PTPN1: variants seen among roughly 807,000 people sequenced by gnomAD.
PTPN1 encodes the protein protein tyrosine phosphatase non-receptor type 1.
Under a neutral mutation model 59.9 loss-of-function variants are expected in PTPN1, and 12 were observed. The ratio of observed to expected loss-of-function variants is 0.20; its 90% CI spans 0.13 to 0.32. The LOEUF is 0.32. Ranked by LOEUF, PTPN1 falls within the 10% of genes least tolerant of loss-of-function variation. The pLI, the probability that PTPN1 is intolerant of heterozygous loss-of-function variation, is 1.00. For missense variants in PTPN1, 356 were observed against 549.2 expected (o/e 0.65, Z 3.52); for synonymous variants, 178 against 203.6 (o/e 0.87, Z 1.07).
At chr20:50,546,145 G>A (rs1233094876) in intron 1 of PTPN1, among the ~76,000 whole-genome samples, 3 of 152,204 alleles carry the variant, frequency 2.0e-5, no homozygotes, top group Non-Finnish European at 2.9e-5. Flanking sequence ...ATGTAACATC[G>A]CCTAGCTCAG....
chr20:50,574,737 A>C, intron 5 of PTPN1, 83 bp downstream of exon 5: 1 of 1,479,638 alleles, frequency 6.8e-7, no homozygotes, highest in Non-Finnish European at 9.2e-7. Context: ...ATATTACCTA[A>C]TGTCAGTGTT....
intron 1 of PTPN1, among the ~76,000 whole-genome samples, chr20:50,518,958 A>C (rs756908668): frequency 2.6e-5 from 4 of 152,174 alleles, no homozygotes; most frequent in Non-Finnish European, 4.4e-5. Context: ...CTGGGTTTCA[A>C]TGGGCCCTTT....
intron 3 of PTPN1, 92 bp downstream of exon 3, chr20:50,565,161 T>G (rs2082773032): frequency 7.7e-7 from 1 of 1,304,832 alleles, no homozygotes; most frequent in African/African-American, 1.5e-5. Flanking sequence ...GCCACATCCT[T>G]TAGAAGGTCA....
intron 1 of PTPN1, among the ~76,000 whole-genome samples, chr20:50,536,567 C>T (rs2122743292): frequency 6.6e-6 from 1 of 152,332 alleles, no homozygotes; most frequent in South Asian, 2.1e-4. Flanking sequence ...CTTAGCAATT[C>T]TAAAGAACAC....
At chr20:50,542,378 A>AT (rs1347767753) in intron 1 of PTPN1, among the ~76,000 whole-genome samples, 1 of 152,228 alleles carries the variant, frequency 6.6e-6, no homozygotes, top group African/African-American at 2.4e-5. Flanking sequence ...TCTAATAGTG[A>AT]TTTTTTTCCC....
Position 50,584,361 on chromosome 20 carries a change from G to A in PTPN1, c.*1646G>A, listed in dbSNP as rs2082886704. ...TATATGTATGTAGTAGTTTGGGTGTGTATATATAGTAGCATTTCAAAATGG... is the reference window on the plus strand; with the variant it reads ...TATATGTATGTAGTAGTTTGGGTGTATATATATAGTAGCATTTCAAAATGG... On this transcript the variant is annotated 3_prime_UTR_variant, in exon 10 of 10. Transcript: ENST00000371621. The A allele has an allele frequency of 6.6e-6, 1 of 152,530 alleles. No homozygotes were observed. The allele number at this position is 152,530 out of a possible 1,614,324, so 9.4% of individuals were successfully genotyped here.
At chr20:50,578,265 T>C (rs2082846917) in intron 5 of PTPN1, among the ~76,000 whole-genome samples, 155 bp from the exon 6 acceptor site, 1 of 152,126 alleles carries the variant, frequency 6.6e-6, no homozygotes, top group African/African-American at 2.4e-5. Context: ...GGGTGTGGTA[T>C]TTGTTGACTG....
In PTPN1 at chr20:50,579,190, C is replaced by T. The variant is rs768787011; in HGVS notation, c.725C>T (p.Ser242Phe). Residue 242 changes from serine to phenylalanine, a missense_variant, in exon 7 of 10, where the codon TCT (serine) becomes TTT (phenylalanine). Physicochemically the swap from Ser to Phe is radical, Grantham distance 155 (BLOSUM62 -2). This residue lies in a region of PTPN1 where 194 missense variants were observed against 344.2 expected (regional missense o/e 0.56). Coordinates refer to ENST00000371621, the MANE Select transcript of PTPN1 (RefSeq NM_002827.4). The stretch of plus-strand genomic sequence containing the variant: ...CAGATGGACAAGAGGAAAGACCCTT[C>T]TTCCGTTGATATCAAGAAAGTGCTG... ...LLLMDKRKDPSSVDIKKVLLE... is the reference protein window; with the variant it reads ...LLLMDKRKDPFSVDIKKVLLE... 9 of 1,614,106 alleles carry T rather than the reference C, an allele frequency of 5.6e-6. No homozygotes were observed. Among genetic ancestry groups the T allele is most frequent in the Non-Finnish European group, 6.8e-6 (8 of 1,180,044 alleles).
Position 50,510,476 on chromosome 20 carries a change from G to T in PTPN1, c.-52G>T. 6.5e-7 allele frequency: 1 copy of T among 1,541,378 alleles called. No homozygotes were observed. The highest frequency in any genetic ancestry group is 8.8e-7 in the Non-Finnish European group (1 of 1,140,988). ...TAAGAGCGCGACGCGGCCTAGAGCGGCAGACGGCGCAGTGGGCCGAGAAGG... is the reference window on the plus strand; with the variant it reads ...TAAGAGCGCGACGCGGCCTAGAGCGTCAGACGGCGCAGTGGGCCGAGAAGG... On this transcript the variant is annotated 5_prime_UTR_variant, in exon 1 of 10. Coordinates refer to ENST00000371621, the MANE Select transcript of PTPN1 (RefSeq NM_002827.4).
chr20:50,541,205 C>G (rs2082650645), intron 1 of PTPN1, among the ~76,000 whole-genome samples: 2 of 152,170 alleles, frequency 1.3e-5, no homozygotes, highest in Non-Finnish European at 2.9e-5. Context: ...TTAAGGAGGT[C>G]AAGGGAGAGA....
At chr20:50,539,644 C>CTTT (rs5841806) in intron 1 of PTPN1, among the ~76,000 whole-genome samples, 11 of 90,520 alleles carry the variant, frequency 1.2e-4, no homozygotes, top group Admixed American at 3.8e-4. Flanking sequence ...CTCTTTCTCT[C>CTTT]TTTTTTTTTT....
chr20:50,537,844 TG>T (rs1486479133), intron 1 of PTPN1, among the ~76,000 whole-genome samples: 1 of 152,194 alleles, frequency 6.6e-6, no homozygotes, highest in East Asian at 1.9e-4. Context: ...CCGTTCAAAA[TG>T]GACTGAAGCA....
At chr20:50,510,996 C>T (rs2082504753) in intron 1 of PTPN1, among the ~76,000 whole-genome samples, 2 of 152,066 alleles carry the variant, frequency 1.3e-5, no homozygotes, top group South Asian at 4.2e-4. Context: ...CCTTTGTCTC[C>T]CTGGGGGAAA....
chr20:50,542,897 G>C (rs949767535), intron 1 of PTPN1, among the ~76,000 whole-genome samples: 2 of 152,168 alleles, frequency 1.3e-5, no homozygotes, highest in Non-Finnish European at 2.9e-5. Flanking sequence ...GACTAGAGAG[G>C]AAAGAGATAA....
At chr20:50,513,308 A>G (rs1215438719) in intron 1 of PTPN1, among the ~76,000 whole-genome samples, 1 of 152,236 alleles carries the variant, frequency 6.6e-6, no homozygotes. Flanking sequence ...CTTTCAAATC[A>G]TCCGGTTGCT....
chr20:50,534,948 T>TGAACTCCTGCCTTCAGGCG (rs71190575), intron 1 of PTPN1, among the ~76,000 whole-genome samples: 53,957 of 151,102 alleles, frequency 0.36, 9,597 homozygotes, highest in Admixed American at 0.38. Context: ...AGGCTGGCCT[T>TGAACTCCTGCCTTCAGGCG]GAACTCCTGC....
At chr20:50,539,026 CTTTTTTTT>C (rs71190576) in intron 1 of PTPN1, among the ~76,000 whole-genome samples, 1 of 85,294 alleles carries the variant, frequency 1.2e-5, no homozygotes, top group African/African-American at 4.9e-5. Flanking sequence ...CTTCTCAATT[CTTTTTTTT>C]TTTTTTTTTT....
intron 1 of PTPN1, among the ~76,000 whole-genome samples, chr20:50,528,713 T>TA (rs1262927497): frequency 2.5e-3 from 248 of 100,374 alleles, no homozygotes; most frequent in African/African-American, 7.1e-3. Context: ...GACTCCATCT[T>TA]AAAAAAAAAA....
intron 1 of PTPN1, among the ~76,000 whole-genome samples, chr20:50,521,364 A>G (rs1436757269): frequency 6.6e-6 from 1 of 152,262 alleles, no homozygotes; most frequent in East Asian, 1.9e-4. Context: ...TGCCTCAGGC[A>G]CTGTGCAAAG....
Sources: gnomAD v4.1 joint callset for allele counts (sites outside exome capture counted in the v4.1 genomes callset) on GRCh38, gnomAD v4.1.1 for gene constraint, gnomAD v4.1.1 regional missense constraint, MANE v1.5 for transcripts, NCBI Gene and HGNC (gene_info 2026-07-23, HGNC 2026-07-21) for gene names.